The following UBR3 variants were observed in gnomAD, a reference collection of about 807,000 sequenced individuals.
UBR3 encodes the protein E3 ubiquitin-protein ligase UBR3.
A neutral mutation model predicts 243.2 loss-of-function variants in UBR3; 85 were observed. That is an observed-to-expected ratio of 0.35 (90% CI 0.29 to 0.42). UBR3 has a LOEUF of 0.42. UBR3 is among the 10% of genes least tolerant of loss of function. The pLI, the probability that UBR3 is intolerant of heterozygous loss-of-function variation, is 1.00. For missense variants in UBR3, 1,686 were observed against 2,300.8 expected (o/e 0.73, Z 5.47); for synonymous variants, 748 against 799.8 (o/e 0.94, Z 1.09).
At chr2:170,011,354 T>C (rs1430417291) in intron 29 of UBR3, among the ~76,000 whole-genome samples, 1 of 152,136 alleles carries the variant, frequency 6.6e-6, no homozygotes, top group Non-Finnish European at 1.5e-5. Context: ...AACATTAAAA[T>C]ATTTAGCAAT....
At chr2:170,080,744 A>G (rs2091891968) in intron 38 of UBR3, 60 bp downstream of exon 38, 9 of 1,530,268 alleles carry the variant, frequency 5.9e-6, no homozygotes, top group African/African-American at 1.4e-5. Context: ...GAAAACCAAT[A>G]TGCTATTCCT....
At chr2:169,978,856 C>T (rs2088587893) in intron 24 of UBR3, among the ~76,000 whole-genome samples, 1 of 152,076 alleles carries the variant, frequency 6.6e-6, no homozygotes, top group Non-Finnish European at 1.5e-5. Context: ...AATGTCTCAG[C>T]TCAGCCACTG....
chr2:169,909,904 A>G (rs959546532), intron 10 of UBR3, among the ~76,000 whole-genome samples: 1 of 152,182 alleles, frequency 6.6e-6, no homozygotes, highest in African/African-American at 2.4e-5. Flanking sequence ...TGGATATTCA[A>G]GATGTATTTT....
At chr2:169,845,496 TCGTCATCGTC>T (rs2082436796) in intron 1 of UBR3, among the ~76,000 whole-genome samples, 3 of 38,116 alleles carry the variant, frequency 7.9e-5, no homozygotes, top group South Asian at 1.6e-3. Context: ...TCCCTCTTCG[TCGTCATCGTC>T]GTCGTCGTCG....
At chr2:169,950,479 A>G (rs2086971572) in intron 23 of UBR3, among the ~76,000 whole-genome samples, 1 of 152,110 alleles carries the variant, frequency 6.6e-6, no homozygotes, top group African/African-American at 2.4e-5. Context: ...TTATTAATAT[A>G]TGATTGCTGA....
rs1553490713 is a variant in UBR3 at position 169,845,533 on chromosome 2, C to CTTCTTCT, written c.545+17483_545+17489dup. 1.1e-4 allele frequency among the ~76,000 whole-genome samples: 14 copies of CTTCTTCT among 125,068 alleles called. No homozygotes were observed. In the East Asian group the frequency reaches 1.5e-3, roughly 14 times the overall value. The allele number at this position is 125,068 out of a possible 152,430, so 82.0% of individuals were successfully genotyped here. A position where few individuals can be genotyped will look rare whatever the true frequency, so the allele number is the denominator to read the frequency against. On this transcript the variant is annotated intron_variant, in intron 1 of 38. Coordinates refer to ENST00000272793, the MANE Select transcript of UBR3 (RefSeq NM_172070.4). ...TCGTCGTCGTCGTCGTCGTCGTCGT[C>CTTCTTCT]TTCTTCTTCTTCTTCTTCTTTCTTC...
chr2:169,902,812 G>C (rs758548050), intron 8 of UBR3, among the ~76,000 whole-genome samples: 1 of 152,170 alleles, frequency 6.6e-6, no homozygotes, highest in Non-Finnish European at 1.5e-5. Flanking sequence ...GTTTTACCAT[G>C]TTGGCGAGGC....
At chr2:169,906,608 G>A (rs1407472520) in intron 10 of UBR3, among the ~76,000 whole-genome samples, 1 of 152,004 alleles carries the variant, frequency 6.6e-6, no homozygotes, top group African/African-American at 2.4e-5. Context: ...ACCTTGGGCA[G>A]TCCAGACAAA....
At chr2:169,881,239 G>A (rs2083809224) in intron 5 of UBR3, among the ~76,000 whole-genome samples, 2 of 151,430 alleles carry the variant, frequency 1.3e-5, no homozygotes, top group African/African-American at 4.9e-5. Flanking sequence ...GAGTGCAGTG[G>A]CATGATCTTG....
chr2:169,972,059 C>T (rs529787606), intron 24 of UBR3, among the ~76,000 whole-genome samples: 24 of 152,014 alleles, frequency 1.6e-4, no homozygotes, highest in African/African-American at 4.3e-4. Context: ...ATCAAATAGA[C>T]GCAGTAAAAA....
At chr2:170,049,877 A>G (rs914138801) in intron 32 of UBR3, among the ~76,000 whole-genome samples, 6 of 152,226 alleles carry the variant, frequency 3.9e-5, no homozygotes, top group Non-Finnish European at 8.8e-5. Context: ...TTGGGGATAC[A>G]GTGGATGTGT....
chr2:170,082,303 A>G lies in UBR3; in HGVS notation c.*460A>G, dbSNP rs1225260439. Reference sequence around the variant, plus strand: ...TGATTGGAGAATTTTTCTGTATGTAATTAGAAAAAAATGTAAAACATGATT... The same window carrying G: ...TGATTGGAGAATTTTTCTGTATGTAGTTAGAAAAAAATGTAAAACATGATT... On this transcript the variant is annotated 3_prime_UTR_variant, in exon 39 of 39. Coordinates refer to ENST00000272793, the MANE Select transcript of UBR3 (RefSeq NM_172070.4). 1 of 152,894 alleles carries G rather than the reference A, an allele frequency of 6.5e-6. No homozygotes were observed. The highest frequency in any genetic ancestry group is 1.5e-5 in the Non-Finnish European group (1 of 68,282). 9.5% of individuals were successfully genotyped at this position (152,894 alleles called of 1,614,324 possible). A position where few individuals can be genotyped will look rare whatever the true frequency, so the allele number is the denominator to read the frequency against.
intron 1 of UBR3, among the ~76,000 whole-genome samples, chr2:169,851,530 G>A (rs1016840859): frequency 4.6e-5 from 7 of 152,048 alleles, no homozygotes; most frequent in Admixed American, 1.3e-4. Context: ...TATTGTCCTC[G>A]TTTTTTGGAG....
At chr2:169,876,169 C>T (rs1244015727) in intron 3 of UBR3, among the ~76,000 whole-genome samples, 4 of 150,740 alleles carry the variant, frequency 2.7e-5, no homozygotes, top group African/African-American at 7.3e-5. Context: ...CTGCAAGCTC[C>T]GCCTCCTGGG....
chr2:170,042,319 G>A (rs185331125), intron 32 of UBR3, among the ~76,000 whole-genome samples: 172 of 151,928 alleles, frequency 1.1e-3, no homozygotes, highest in Non-Finnish European at 2.1e-3. Context: ...TCGATGGCTT[G>A]GTAGTATTCC....
At chr2:169,922,992 G>T (rs1180769609) in intron 11 of UBR3, among the ~76,000 whole-genome samples, 1 of 152,030 alleles carries the variant, frequency 6.6e-6, no homozygotes, top group Non-Finnish European at 1.5e-5. Context: ...TTTAACAAGA[G>T]AATATTTAAT....
chr2:169,985,114 G>T (rs927641129), intron 24 of UBR3, among the ~76,000 whole-genome samples: 9 of 151,464 alleles, frequency 5.9e-5, no homozygotes, highest in African/African-American at 2.2e-4. Flanking sequence ...ACTTTGTCAG[G>T]TATCTCTGTG....
intron 35 of UBR3, among the ~76,000 whole-genome samples, chr2:170,068,805 T>C (rs575752487): frequency 1.3e-5 from 2 of 152,278 alleles, no homozygotes; most frequent in South Asian, 2.1e-4. Flanking sequence ...GACATCCATA[T>C]TGAGCCATAA....
chr2:170,067,122 T>C (rs2091589552), intron 35 of UBR3, among the ~76,000 whole-genome samples: 1 of 152,048 alleles, frequency 6.6e-6, no homozygotes, highest in East Asian at 1.9e-4. Flanking sequence ...TGAAAACATT[T>C]AGTTTGAACC....
Sources: gnomAD v4.1 joint callset for allele counts (sites outside exome capture counted in the v4.1 genomes callset) on GRCh38, gnomAD v4.1.1 for gene constraint, MANE v1.5 for transcripts, NCBI Gene and HGNC (gene_info 2026-07-23, HGNC 2026-07-21) for gene names.